LAMA1: variants seen among roughly 807,000 people sequenced by gnomAD.
The protein encoded by LAMA1 is laminin subunit alpha 1.
LAMA1 carries 219 observed loss-of-function variants against 348.7 expected under a neutral mutation model. The ratio of observed to expected loss-of-function variants is 0.63; its 90% CI spans 0.56 to 0.70. LAMA1 has a LOEUF of 0.70. LAMA1 is among the 30% of genes least tolerant of loss of function. The pLI, the probability that LAMA1 is intolerant of heterozygous loss-of-function variation, is 0.00. For synonymous variants in LAMA1, 1,487 were observed against 1,491.0 expected (o/e 1.00, Z 0.06); for missense variants, 3,744 against 3,888.0 (o/e 0.96, Z 0.99).
intron 5 of LAMA1, among the ~76,000 whole-genome samples, chr18:7,048,612 C>T (rs1191001399): frequency 6.6e-6 from 1 of 152,014 alleles, no homozygotes; most frequent in African/African-American, 2.4e-5. Flanking sequence ...ATCCAGCTAC[C>T]CTATAACTTA....
In LAMA1 at chr18:7,050,881, T is replaced by A; in HGVS notation, c.401A>T (p.Asn134Ile). Residue 134 changes from asparagine to isoleucine, a missense_variant, in exon 4 of 63, where the codon AAC (asparagine) becomes ATC (isoleucine). Asn to Ile is a moderately radical substitution (Grantham distance 149, BLOSUM62 -3). Transcript: ENST00000389658. ...IKAANAPRPG[N>I]WILERSLDGT... ...ATCCAGAGAACGCTCCAAAATCCAG[T>A]TTCCAGGTCGAGGGGCATTGGCAGC... The A allele has an allele frequency of 6.2e-7, 1 of 1,614,102 alleles. No individual in the cohort carries two copies. Among genetic ancestry groups the A allele is most frequent in the Non-Finnish European group, 8.5e-7 (1 of 1,180,036 alleles).
chr18:6,952,706 C>T (rs140655596), intron 57 of LAMA1, among the ~76,000 whole-genome samples: 120 of 152,376 alleles, frequency 7.9e-4, no homozygotes, highest in African/African-American at 2.7e-3. Flanking sequence ...TGCCATCCCA[C>T]TCGGTCCTGC....
chr18:7,051,037 A>G, intron 3 of LAMA1, 101 bp from the exon 4 acceptor site: 1 of 1,441,846 alleles, frequency 6.9e-7, no homozygotes, highest in East Asian at 2.4e-5. Context: ...AATCTAAGAT[A>G]GTTGAACTTA....
Position 6,969,356 on chromosome 18 carries a change from C to A in LAMA1, c.6899+2501G>T, listed in dbSNP as rs1252768740. ...CAGAGGTACCTTTTCAGAAAGGGTTCAAGCTCAAGTGAGTTTGGGAAATGC... is the reference window on the plus strand; with the variant it reads ...CAGAGGTACCTTTTCAGAAAGGGTTAAAGCTCAAGTGAGTTTGGGAAATGC... On this transcript the variant is annotated intron_variant, in intron 48 of 62. Transcript: ENST00000389658. Among the ~76,000 whole-genome samples, 4 of 152,162 alleles carry A rather than the reference C, an allele frequency of 2.6e-5. No individual in the cohort carries two copies. The South Asian group carries it at 8.3e-4, about 32-fold the overall frequency.
At chr18:7,026,353 A>T (rs1299399979) in intron 16 of LAMA1, among the ~76,000 whole-genome samples, 1 of 152,188 alleles carries the variant, frequency 6.6e-6, no homozygotes, top group East Asian at 1.9e-4. Flanking sequence ...GAGATGGAGG[A>T]TCAAGCTTTT....
Position 7,080,381 on chromosome 18 carries a change from CG to C in LAMA1, c.137del (p.Pro46ArgfsTer41). 6.2e-7 allele frequency: 1 copy of C among 1,614,256 alleles called. No homozygotes were observed. The highest frequency in any genetic ancestry group is 8.5e-7 in the Non-Finnish European group (1 of 1,180,050). ...STNATCGEKG[P>X]EMFCKLVEHV... ...GCTCCACAAGTTTGCAGAACATCTC[CG>C]GCCCCTTCTCGCCACAGGTGGCATT... On this transcript the variant is annotated frameshift_variant, in exon 2 of 63. Coordinates refer to ENST00000389658, the MANE Select transcript of LAMA1 (RefSeq NM_005559.4). LOFTEE classifies it high-confidence loss of function.
At chr18:7,012,469 G>A (rs1350929861) in intron 23 of LAMA1, among the ~76,000 whole-genome samples, 2 of 146,650 alleles carry the variant, frequency 1.4e-5, no homozygotes, top group Admixed American at 6.8e-5. Flanking sequence ...CCACCGGCCA[G>A]GTGATAAATA....
Position 6,949,247 on chromosome 18 carries a change from AGTCT to A in LAMA1, c.8406_8409del (p.Asp2803MetfsTer8). ...GTTATGAAGCCTTTTCTTTTAACAT[AGTCT>A]GTCTTGACCTACAGCAAAGTGAAAA... is the stretch of plus-strand genomic sequence containing the variant. On this transcript the variant is annotated frameshift_variant, in exon 59 of 63. Transcript: ENST00000389658. LOFTEE classifies it high-confidence loss of function. 6.2e-7 allele frequency: 1 copy of A among 1,614,222 alleles called. No individual in the cohort carries two copies. Among genetic ancestry groups the A allele is most frequent in the Non-Finnish European group, 8.5e-7 (1 of 1,180,032 alleles).
chr18:7,018,588 G>A (rs1408945331), intron 19 of LAMA1, among the ~76,000 whole-genome samples: 3 of 151,620 alleles, frequency 2.0e-5, no homozygotes, highest in Non-Finnish European at 4.4e-5. Context: ...GTAGAGACAG[G>A]GTTTCACCGT....
At chr18:7,068,551 T>A (rs1023484108) in intron 3 of LAMA1, among the ~76,000 whole-genome samples, 5 of 152,348 alleles carry the variant, frequency 3.3e-5, no homozygotes, top group African/African-American at 9.6e-5. Context: ...GGGGATTTTT[T>A]AAATAACTTT....
At chr18:7,038,466 A>C in intron 11 of LAMA1, 2 of 380,972 alleles carry the variant, frequency 5.2e-6, no homozygotes, top group South Asian at 4.5e-5. Context: ...CCATGGCCCC[A>C]CGGCCCTCTG....
intron 61 of LAMA1, 37 bp from the exon 62 acceptor site, chr18:6,943,439 A>C: frequency 6.5e-7 from 1 of 1,534,080 alleles, no homozygotes; most frequent in South Asian, 1.1e-5. Context: ...TTGTGTATTT[A>C]AGGAACACAG....
At chr18:6,956,496 A>G (rs774895999) in intron 56 of LAMA1, 140 bp downstream of exon 56, 37 of 1,427,318 alleles carry the variant, frequency 2.6e-5, no homozygotes, top group Non-Finnish European at 3.5e-5. Context: ...CCCCGCTCTG[A>G]TTTTTAGCAC....
intron 1 of LAMA1, among the ~76,000 whole-genome samples, chr18:7,099,093 A>G (rs2058279954): frequency 6.6e-6 from 1 of 151,822 alleles, no homozygotes; most frequent in African/African-American, 2.4e-5. Flanking sequence ...AGAAGTAGAC[A>G]TGGGAGACTT....
Position 6,980,522 on chromosome 18 carries a change from T to C in LAMA1, c.6006A>G (p.Lys2002=). The C allele has an allele frequency of 6.4e-7, 1 of 1,564,770 alleles. No homozygotes were observed. Among genetic ancestry groups the C allele is most frequent in the South Asian group, 1.1e-5 (1 of 90,006 alleles). ...ESLLILRAIP[K]GIRDKGAKTK... is the part of the protein sequence containing the mutation. ...CAGAAGAAAGTCCTTTCCACTTACC[T>C]TTAGGAATTGCTCTAAGTATCAAGA... Residue 2002 remains lysine (K), a splice_region_variant and synonymous_variant, in exon 42 of 63, where the codon AAA becomes AAG. Coordinates refer to ENST00000389658, the MANE Select transcript of LAMA1 (RefSeq NM_005559.4).
At chr18:7,075,885 C>A (rs988816754) in intron 3 of LAMA1, among the ~76,000 whole-genome samples, 9 of 151,340 alleles carry the variant, frequency 5.9e-5, no homozygotes, top group Non-Finnish European at 1.3e-4. Flanking sequence ...TGCAGTGAGC[C>A]GAGATCACGC....
At chr18:7,099,262 G>A (rs1054102098) in intron 1 of LAMA1, among the ~76,000 whole-genome samples, 1 of 150,542 alleles carries the variant, frequency 6.6e-6, no homozygotes. Context: ...ACAGATGCTT[G>A]AAGGCAGCAT....
At chr18:7,009,489 T>C in intron 26 of LAMA1, 123 bp from the exon 27 acceptor site, 2 of 1,040,102 alleles carry the variant, frequency 1.9e-6, no homozygotes, top group Non-Finnish European at 2.9e-6. Flanking sequence ...TGCATGCCAC[T>C]GAGTGTAACT....
At position 6,955,483 on chromosome 18, in the gene LAMA1, G is replaced by A. The variant is rs375511311; in HGVS notation, c.8095-18C>T. On this transcript the variant is annotated intron_variant, in intron 56 of 62. Coordinates refer to ENST00000389658, the MANE Select transcript of LAMA1 (RefSeq NM_005559.4). ...CACTGTTCCTGTAAGAGACACACAG[G>A]GACACTCAGCCGCCACCCGCAGCCC... The A allele has an allele frequency of 6.2e-7, 1 of 1,600,172 alleles. No individual in the cohort carries two copies. Among genetic ancestry groups the A allele is most frequent in the Non-Finnish European group, 8.6e-7 (1 of 1,167,608 alleles).
Sources: allele counts gnomAD v4.1 joint callset (sites outside exome capture counted in the v4.1 genomes callset), GRCh38; gene constraint gnomAD v4.1.1; transcripts MANE v1.5; gene names NCBI Gene and HGNC (gene_info 2026-07-23, HGNC 2026-07-21).